Variants in ZNF318 observed in about 807,000 individuals in gnomAD.
ZNF318 encodes endocrine regulator.
In ZNF318, 51 loss-of-function variants were observed where a neutral mutation model predicts 124.2. That is an observed-to-expected ratio of 0.41 (90% CI 0.33 to 0.52). The LOEUF is 0.52. Ranked by LOEUF, ZNF318 falls within the 20% of genes least tolerant of loss-of-function variation. ZNF318 has a pLI of 0.23. For missense variants in ZNF318, 2,815 were observed against 2,811.2 expected (o/e 1.00, Z -0.03); for synonymous variants, 1,090 against 1,040.7 (o/e 1.05, Z -0.91).
intron 4 of ZNF318, among the ~76,000 whole-genome samples, chr6:43,354,356 C>A (rs1276073784): frequency 6.6e-6 from 1 of 152,186 alleles, no homozygotes; most frequent in East Asian, 1.9e-4. Context: ...ACTACGAAAT[C>A]ATATTGAAGA....
chr6:43,361,345 G>T (rs771009656), intron 2 of ZNF318, among the ~76,000 whole-genome samples: 19 of 152,204 alleles, frequency 1.2e-4, no homozygotes, highest in Admixed American at 2.0e-4. Context: ...CAGAAGGATT[G>T]CTTGGGGTCA....
At chr6:43,366,388 ACAT>A (rs1779761865) in intron 1 of ZNF318, among the ~76,000 whole-genome samples, 1 of 152,214 alleles carries the variant, frequency 6.6e-6, no homozygotes, top group East Asian at 1.9e-4. Context: ...CAGGATAGTG[ACAT>A]CATCTGACTA....
At position 43,340,259 on chromosome 6, in the gene ZNF318, C is replaced by G; in HGVS notation, c.3739G>C (p.Ala1247Pro). 6.2e-7 allele frequency: 1 copy of G among 1,614,034 alleles called. No individual in the cohort carries two copies. The highest frequency in any genetic ancestry group is 8.5e-7 in the Non-Finnish European group (1 of 1,180,008). The change falls in exon 10 of 10, where the codon GCT becomes CCT. Residue 1247 changes from alanine (A) to proline (P), a missense_variant. Around this residue, in one of 4 missense-constraint regions of ZNF318, gnomAD observed 500 missense variants for 605.2 expected, o/e 0.83. Coordinates refer to ENST00000361428, the MANE Select transcript of ZNF318 (RefSeq NM_014345.3). Reference protein sequence around the residue: ...LSEGRNSPEKAENKRNTGIKL... With the variant: ...LSEGRNSPEKPENKRNTGIKL... ...ATGCCAGTGTTCCTTTTATTTTCAGCTTTTTCAGGGGAGTTCCTACCCTCA... is the reference window on the plus strand; with the variant it reads ...ATGCCAGTGTTCCTTTTATTTTCAGGTTTTTCAGGGGAGTTCCTACCCTCA...
In ZNF318 at chr6:43,337,878, A is replaced by G; in HGVS notation, c.6120T>C (p.Cys2040=). Residue 2040 remains cysteine, a synonymous_variant, in exon 10 of 10, where the codon TGT becomes TGC. Transcript: ENST00000361428. ...SPAHRSPTVL[C]QKVCEENSVS... ...CAGAATTTTCTTCACACACTTTCTGACACAAGACAGTTGGGGATCTATGTG... is the reference window on the plus strand; with the variant it reads ...CAGAATTTTCTTCACACACTTTCTGGCACAAGACAGTTGGGGATCTATGTG... 1 of 1,614,208 alleles carries G rather than the reference A, an allele frequency of 6.2e-7. No homozygotes were observed. Among genetic ancestry groups the G allele is most frequent in the Non-Finnish European group, 8.5e-7 (1 of 1,180,034 alleles).
At chr6:43,364,788 A>G (rs1328065995) in intron 2 of ZNF318, among the ~76,000 whole-genome samples, 1 of 152,214 alleles carries the variant, frequency 6.6e-6, no homozygotes, top group East Asian at 1.9e-4. Flanking sequence ...ACATTTTTGA[A>G]GGTCTCTAGC....
chr6:43,362,540 T>TTG (rs1323266192), intron 2 of ZNF318, among the ~76,000 whole-genome samples: 3 of 146,304 alleles, frequency 2.1e-5, no homozygotes, highest in Non-Finnish European at 4.5e-5. Context: ...TTTTTTTTTT[T>TTG]TGAGACAGAG....
chr6:43,363,439 T>C (rs1369691310), intron 2 of ZNF318: 2 of 159,270 alleles, frequency 1.3e-5, no homozygotes, highest in Admixed American at 1.5e-4. Flanking sequence ...AAACACCAAA[T>C]GGCAGATGAT....
At chr6:43,360,806 T>A (rs1212148020) in intron 2 of ZNF318, among the ~76,000 whole-genome samples, 1 of 151,806 alleles carries the variant, frequency 6.6e-6, no homozygotes, top group Non-Finnish European at 1.5e-5. Context: ...TAAAAAAAAA[T>A]ATGCTAAGTG....
In ZNF318 at chr6:43,340,405, C is replaced by T; in HGVS notation, c.3593G>A (p.Ser1198Asn). Residue 1198 changes from serine (S) to asparagine (N), a missense_variant, in exon 10 of 10, where the codon AGT becomes AAT. Transcript: ENST00000361428. ...VVLETERRRQ[S>N]ELKRKLSEKP... ...CTCACTAAGTTTGCGCTTTAGCTCA[C>T]TCTGCCGTCGCCGTTCTGTCTCTAG... The T allele has an allele frequency of 6.2e-7, 1 of 1,614,074 alleles. No homozygotes were observed. Among genetic ancestry groups the T allele is most frequent in the African/African-American group, 1.3e-5 (1 of 75,006 alleles).
intron 1 of ZNF318, 80 bp downstream of exon 1, chr6:43,368,887 C>T (rs1235858951): frequency 4.7e-6 from 6 of 1,270,904 alleles, no homozygotes; most frequent in Non-Finnish European, 6.0e-6. Flanking sequence ...GGTCTGGAGG[C>T]CCCGGGCGTT....
intron 1 of ZNF318, among the ~76,000 whole-genome samples, chr6:43,368,040 T>A (rs1276127232): frequency 6.6e-6 from 1 of 151,974 alleles, no homozygotes; most frequent in African/African-American, 2.4e-5. Context: ...ATAATAATAA[T>A]AAAAAGATTG....
Position 43,357,608 on chromosome 6 carries a change from A to C in ZNF318, c.706T>G (p.Tyr236Asp), listed in dbSNP as rs1779627489. The C allele has an allele frequency of 1.2e-6, 2 of 1,614,104 alleles. No individual in the cohort carries two copies. The highest frequency in any genetic ancestry group is 3.3e-5 in the Admixed American group (2 of 60,014). ...TKETFLHRSD[Y>D]SPHISCHDEL... ...TCATGACAACTGATATGGGGACTAT[A>C]ATCAGATCGATGCAGGAAAGTTTCT... The change falls in exon 3 of 10, where the codon TAT becomes GAT. Residue 236 changes from tyrosine to aspartate, a missense_variant. Coordinates refer to ENST00000361428, the MANE Select transcript of ZNF318 (RefSeq NM_014345.3).
At chr6:43,351,454 C>A (rs1275619404) in intron 5 of ZNF318, among the ~76,000 whole-genome samples, 4 of 152,164 alleles carry the variant, frequency 2.6e-5, no homozygotes, top group Admixed American at 2.6e-4. Flanking sequence ...ATCACATCTA[C>A]AAGTTACTTT....
At chr6:43,351,231 G>A (rs1441280542) in intron 5 of ZNF318, among the ~76,000 whole-genome samples, 1 of 152,170 alleles carries the variant, frequency 6.6e-6, no homozygotes, top group Non-Finnish European at 1.5e-5. Context: ...GATTAAAGAA[G>A]AGTACAGGAA....
chr6:43,352,615 C>CA, intron 4 of ZNF318, 139 bp from the exon 5 acceptor site: 1 of 703,286 alleles, frequency 1.4e-6, no homozygotes, highest in South Asian at 1.9e-5. Context: ...ACCTTACTGT[C>CA]AAAGTAATAT....
chr6:43,365,257 CTAGTA>C (rs1448129337), intron 2 of ZNF318, 30 bp downstream of exon 2: 1 of 1,596,276 alleles, frequency 6.3e-7, no homozygotes, highest in African/African-American at 1.3e-5. Flanking sequence ...CCTTCAAGTA[CTAGTA>C]TAGTAGGCCC....
In ZNF318 at chr6:43,356,156, A is replaced by C; in HGVS notation, c.1189-11T>G. ...GGAAAAACTCTCAAGCTGCAAAGAC[A>C]AACACAACTGATTTAGTCTTATGCA... On this transcript the variant is annotated splice_polypyrimidine_tract_variant and intron_variant, in intron 3 of 9. Coordinates refer to ENST00000361428, the MANE Select transcript of ZNF318 (RefSeq NM_014345.3). 6.2e-7 allele frequency: 1 copy of C among 1,605,604 alleles called. No individual in the cohort carries two copies. The highest frequency in any genetic ancestry group is 2.2e-5 in the East Asian group (1 of 44,866).
At chr6:43,352,592 C>T (rs981442899) in intron 4 of ZNF318, 116 bp from the exon 5 acceptor site, 2 of 859,194 alleles carry the variant, frequency 2.3e-6, no homozygotes, top group African/African-American at 3.4e-5. Flanking sequence ...CAAATGCCTG[C>T]ACACAGGCTC....
intron 5 of ZNF318, among the ~76,000 whole-genome samples, chr6:43,349,529 T>TTTA (rs1233625753): frequency 6.6e-6 from 1 of 152,002 alleles, no homozygotes; most frequent in Non-Finnish European, 1.5e-5. Flanking sequence ...CCAGCTGGCT[T>TTTA]TTTTAATGTT....
Sources: allele counts gnomAD v4.1 joint callset (sites outside exome capture counted in the v4.1 genomes callset), GRCh38; gene constraint gnomAD v4.1.1; regional missense constraint gnomAD v4.1.1; transcripts MANE v1.5; gene names NCBI Gene and HGNC (gene_info 2026-07-23, HGNC 2026-07-21).